FOXN3: variants seen among roughly 807,000 people sequenced by gnomAD.
The protein encoded by FOXN3 is forkhead box protein N3.
In FOXN3, 7 loss-of-function variants were observed where a neutral mutation model predicts 38.4. That is an observed-to-expected ratio of 0.18 (90% confidence interval 0.10 to 0.34). The LOEUF (loss-of-function observed/expected upper bound fraction) is 0.34. FOXN3 is among the 10% of genes least tolerant of loss of function. FOXN3 has a pLI of 1.00. For synonymous variants in FOXN3, 230 were observed against 242.2 expected (o/e 0.95, Z 0.47); for missense variants, 456 against 613.4 (o/e 0.74, Z 2.71).
At chr14:89,483,912 T>C (rs1414583687) in intron 1 of FOXN3, among the ~76,000 whole-genome samples, 2 of 152,188 alleles carry the variant, frequency 1.3e-5, no homozygotes, top group Non-Finnish European at 2.9e-5. Context: ...AAAATATTTA[T>C]TTGGTTTAAA....
chr14:89,555,882 G>GGGGGGTGTGT (rs1895112250), intron 1 of FOXN3, among the ~76,000 whole-genome samples: 1 of 104,598 alleles, frequency 9.6e-6, no homozygotes, highest in Non-Finnish European at 2.0e-5. Flanking sequence ...TGTGTATGTG[G>GGGGGGTGTGT]GGGTGTATGT....
At chr14:89,386,800 C>T (rs1459315032) in intron 2 of FOXN3, among the ~76,000 whole-genome samples, 1 of 152,160 alleles carries the variant, frequency 6.6e-6, no homozygotes, top group Non-Finnish European at 1.5e-5. Flanking sequence ...AAGACGGCTG[C>T]CTTCTCACTG....
Position 89,391,678 on chromosome 14 carries a change from G to A in FOXN3, c.543+20256C>T, listed in dbSNP as rs543898414. Among the ~76,000 whole-genome samples the A allele has an allele frequency of 7.9e-5, 12 of 152,234 alleles. No individual in the cohort carries two copies. In the South Asian group the frequency reaches 1.7e-3, roughly 21 times the overall value. ...TACAGCCTGGTTGGTTGGTGCCACCGTGCTCTCTGCTTGCAGGCTATGTAG... is the reference window on the plus strand; with the variant it reads ...TACAGCCTGGTTGGTTGGTGCCACCATGCTCTCTGCTTGCAGGCTATGTAG... On this transcript the variant is annotated intron_variant, in intron 2 of 5. Transcript: ENST00000557258.
chr14:89,405,633 G>A (rs1468849365), intron 2 of FOXN3, among the ~76,000 whole-genome samples: 1 of 152,198 alleles, frequency 6.6e-6, no homozygotes, highest in Non-Finnish European at 1.5e-5. Flanking sequence ...CGGAAGCTGA[G>A]CAGACAGTTG....
At chr14:89,460,548 TC>T (rs1162386495) in intron 1 of FOXN3, among the ~76,000 whole-genome samples, 1 of 152,142 alleles carries the variant, frequency 6.6e-6, no homozygotes, top group Non-Finnish European at 1.5e-5. Context: ...TTAGCCTGCA[TC>T]CAGGAGTCAC....
chr14:89,455,606 C>A (rs553803949), intron 1 of FOXN3, among the ~76,000 whole-genome samples: 18 of 152,142 alleles, frequency 1.2e-4, no homozygotes, highest in Non-Finnish European at 5.9e-5. Flanking sequence ...GCCACAGCCA[C>A]GTAGCAGGCA....
At chr14:89,359,448 C>T (rs1358142815) in intron 2 of FOXN3, among the ~76,000 whole-genome samples, 1 of 152,168 alleles carries the variant, frequency 6.6e-6, no homozygotes, top group East Asian at 1.9e-4. Context: ...ATGCAGATTT[C>T]ATCTAAAAAA....
chr14:89,618,398 A>G (rs1001051269), intron 1 of FOXN3, among the ~76,000 whole-genome samples: 31 of 152,342 alleles, frequency 2.0e-4, no homozygotes, highest in South Asian at 1.0e-3. Flanking sequence ...TTTTCCCCTC[A>G]AAACAATGTT....
upstream of FOXN3, among the ~76,000 whole-genome samples, chr14:89,420,226 A>G (rs563430345): frequency 4.6e-5 from 7 of 152,338 alleles, no homozygotes; most frequent in Admixed American, 4.6e-4. Flanking sequence ...CAAGCCTTCC[A>G]TGACATAGTT....
chr14:89,181,836 C>G (rs909616806), intron 4 of FOXN3, among the ~76,000 whole-genome samples: 2 of 152,216 alleles, frequency 1.3e-5, no homozygotes, highest in Admixed American at 6.5e-5. Flanking sequence ...CTCCCTACGT[C>G]TGAGGGGCAG....
At chr14:89,288,702 C>T (rs1434452283) in intron 3 of FOXN3, among the ~76,000 whole-genome samples, 1 of 98,692 alleles carries the variant, frequency 1.0e-5, no homozygotes, top group Non-Finnish European at 1.8e-5. Context: ...CTCTCTCTCT[C>T]TCTCTCTCTC....
chr14:89,174,366 G>A (rs1887465642), intron 5 of FOXN3, among the ~76,000 whole-genome samples: 1 of 152,142 alleles, frequency 6.6e-6, no homozygotes, highest in African/African-American at 2.4e-5. Flanking sequence ...TCAGCTCTAA[G>A]AGTTCTAACT....
intron 2 of FOXN3, among the ~76,000 whole-genome samples, chr14:89,363,988 A>AAT (rs1307024931): frequency 3.8e-5 from 2 of 52,056 alleles, no homozygotes; most frequent in African/African-American, 8.9e-5. Flanking sequence ...ATATATATAT[A>AAT]ATATATATAT....
At chr14:89,250,678 C>T (rs759636163) in intron 4 of FOXN3, among the ~76,000 whole-genome samples, 2 of 152,234 alleles carry the variant, frequency 1.3e-5, no homozygotes, top group African/African-American at 4.8e-5. Flanking sequence ...TATATGTTCC[C>T]GATATGGGTT....
At chr14:89,282,189 G>A (rs1886484860) in intron 3 of FOXN3, among the ~76,000 whole-genome samples, 1 of 152,108 alleles carries the variant, frequency 6.6e-6, no homozygotes, top group Non-Finnish European at 1.5e-5. Context: ...GAAGAAATGA[G>A]CTACAGCACA....
chr14:89,507,885 A>G (rs1469491307), intron 1 of FOXN3, among the ~76,000 whole-genome samples: 2 of 152,234 alleles, frequency 1.3e-5, no homozygotes, highest in Non-Finnish European at 2.9e-5. Flanking sequence ...TGAAGCCTCA[A>G]TAACTTGTGA....
At chr14:89,399,654 C>T (rs548423418) in intron 2 of FOXN3, among the ~76,000 whole-genome samples, 3 of 152,266 alleles carry the variant, frequency 2.0e-5, no homozygotes, top group Non-Finnish European at 4.4e-5. Context: ...CAACTGACAG[C>T]GACTACTTTT....
rs28673538 is a variant in FOXN3, at chr14:89,556,876, A to G, written c.-15+62152T>C. Among the ~76,000 whole-genome samples the G allele has an allele frequency of 8.2e-3, 1,254 of 152,274 alleles. 17 individuals carry two copies. The highest frequency in any genetic ancestry group is 0.029 in the African/African-American group (1,198 of 41,552). ...TGGGAAGAGCTGTATTCTGCTCTGC[A>G]TTGTGGAGTGACAGAGCAAGGAAGC... On this transcript the variant is annotated intron_variant, in intron 1 of 6. Transcript: ENST00000345097.
intron 4 of FOXN3, among the ~76,000 whole-genome samples, chr14:89,198,528 T>G (rs1006274310): frequency 6.6e-6 from 1 of 152,196 alleles, no homozygotes; most frequent in Non-Finnish European, 1.5e-5. Context: ...TGTGGGGAAA[T>G]GCTGAGTAGA....
Sources: allele counts gnomAD v4.1 joint callset (sites outside exome capture counted in the v4.1 genomes callset), GRCh38; gene constraint gnomAD v4.1.1; transcripts MANE v1.5; gene names NCBI Gene and HGNC (gene_info 2026-07-23, HGNC 2026-07-21).